PCDH15: variants seen among roughly 807,000 people sequenced by gnomAD.
PCDH15 encodes the protein protocadherin-15.
A neutral mutation model predicts 178.5 loss-of-function variants in PCDH15; 129 were observed. That is an observed-to-expected ratio of 0.72 (90% CI 0.63 to 0.84). PCDH15 has a LOEUF of 0.84. Among genes scored for constraint, PCDH15 ranks in the 40% least tolerant of loss-of-function variants. The probability of loss-of-function intolerance (pLI) is 0.00; values close to 1 mark genes in which losing one functional copy is unlikely to be tolerated. For synonymous variants in PCDH15, 800 were observed against 732.0 expected (o/e 1.09, Z -1.50); for missense variants, 2,230 against 2,099.9 (o/e 1.06, Z -1.21).
chr10:54,388,680 C>T (rs1950197356), intron 3 of PCDH15, among the ~76,000 whole-genome samples: 1 of 152,150 alleles, frequency 6.6e-6, no homozygotes, highest in African/African-American at 2.4e-5. Flanking sequence ...GAGCTCTTTG[C>T]TATGATCCTT....
intron 8 of PCDH15, among the ~76,000 whole-genome samples, chr10:54,288,209 A>G (rs1386166011): frequency 6.6e-6 from 1 of 152,016 alleles, no homozygotes; most frequent in Non-Finnish European, 1.5e-5. Flanking sequence ...AGTCTCAGCT[A>G]CTTGGGAGGC....
intron 2 of PCDH15, among the ~76,000 whole-genome samples, chr10:54,612,661 C>T (rs748257552): frequency 4.6e-5 from 7 of 151,376 alleles, no homozygotes; most frequent in Admixed American, 1.3e-4. Context: ...AATTTTGCCT[C>T]GACTTACTTA....
chr10:54,766,876 G>A (rs1470906083), intron 1 of PCDH15, among the ~76,000 whole-genome samples: 1 of 151,898 alleles, frequency 6.6e-6, no homozygotes, highest in Non-Finnish European at 1.5e-5. Context: ...CTTGCAGTGA[G>A]CCGAGATAGC....
intron 2 of PCDH15, among the ~76,000 whole-genome samples, chr10:54,532,655 A>C (rs1462865356): frequency 6.6e-6 from 1 of 152,150 alleles, no homozygotes; most frequent in Non-Finnish European, 1.5e-5. Flanking sequence ...CACTCTGTAC[A>C]TTAATTCCCT....
intron 18 of PCDH15, among the ~76,000 whole-genome samples, chr10:54,045,353 T>C (rs2093634108): frequency 6.6e-6 from 1 of 152,104 alleles, no homozygotes; most frequent in Non-Finnish European, 1.5e-5. Context: ...ATTAAACCAA[T>C]ATTTATGGTT....
chr10:54,619,887 T>C (rs577100541), intron 2 of PCDH15, among the ~76,000 whole-genome samples: 1 of 151,960 alleles, frequency 6.6e-6, no homozygotes, highest in South Asian at 2.1e-4. Flanking sequence ...AAGACAGGGG[T>C]TGGCAAATTA....
intron 3 of PCDH15, among the ~76,000 whole-genome samples, chr10:54,456,698 T>C (rs11004316): frequency 0.047 from 7,125 of 152,120 alleles, 360 homozygotes; most frequent in African/African-American, 0.12. Flanking sequence ...TGATATGGTT[T>C]GGCTGTGTCC....
intron 2 of PCDH15, among the ~76,000 whole-genome samples, chr10:55,372,420 C>A (rs890843609): frequency 6.6e-6 from 1 of 152,058 alleles, no homozygotes; most frequent in Non-Finnish European, 1.5e-5. Context: ...TATACAAAAA[C>A]TACTTTATAA....
Position 53,913,743 on chromosome 10 carries a change from C to CA in PCDH15, c.3374-10374dup, listed in dbSNP as rs547274977. ...TGGATGACAGAGCGAGACTCTGTCT[C>CA]AAAAAAAAACCAAAAAACAAAAAAC... is the stretch of plus-strand genomic sequence containing the variant. On this transcript the variant is annotated intron_variant, in intron 25 of 37. Transcript: ENST00000644397. Among the ~76,000 whole-genome samples, 1,055 of 131,338 alleles carry CA rather than the reference C, an allele frequency of 8.0e-3. 9 individuals carry two copies. Among genetic ancestry groups the CA allele is most frequent in the African/African-American group, 0.021 (724 of 35,040 alleles). 86.2% of individuals were successfully genotyped at this position (131,338 alleles called of 152,430 possible).
chr10:54,740,797 T>A (rs967525777), intron 1 of PCDH15, among the ~76,000 whole-genome samples: 9 of 151,996 alleles, frequency 5.9e-5, no homozygotes, highest in Non-Finnish European at 1.3e-4. Flanking sequence ...ATGTTCTCAC[T>A]AATATGCGGG....
chr10:55,559,979 G>A (rs552609646), intron 2 of PCDH15, among the ~76,000 whole-genome samples: 4 of 151,908 alleles, frequency 2.6e-5, no homozygotes, highest in Non-Finnish European at 2.9e-5. Context: ...GTGATTATAC[G>A]CCTAGACTCA....
rs145069430 is a variant in PCDH15 at position 54,675,767 on chromosome 10, C to T, written c.-28-11477G>A. On this transcript the variant is annotated intron_variant, in intron 1 of 37. Transcript: ENST00000644397. ...GGCAATATTTGTGTTTCACTTTATGCCCCTGAGAAGAGGAATCATTATTAG... is the reference window on the plus strand; with the variant it reads ...GGCAATATTTGTGTTTCACTTTATGTCCCTGAGAAGAGGAATCATTATTAG... 3.4e-3 allele frequency among the ~76,000 whole-genome samples: 519 copies of T among 152,204 alleles called. 4 individuals are homozygous for T. Among genetic ancestry groups the T allele is most frequent in the Middle Eastern group, 0.01 (3 of 294 alleles).
chr10:54,103,426 T>C (rs975709050), intron 15 of PCDH15, among the ~76,000 whole-genome samples: 1 of 152,174 alleles, frequency 6.6e-6, no homozygotes, highest in African/African-American at 2.4e-5. Flanking sequence ...TTACTCCTAT[T>C]GTATTTAAAT....
chr10:54,719,789 G>C (rs996717801), intron 1 of PCDH15, among the ~76,000 whole-genome samples: 1 of 151,830 alleles, frequency 6.6e-6, no homozygotes, highest in African/African-American at 2.4e-5. Flanking sequence ...TTGGTTTTTT[G>C]TTCCTTTGTT....
chr10:55,237,664 A>G (rs1437468245), intron 1 of PCDH15, among the ~76,000 whole-genome samples: 2 of 152,160 alleles, frequency 1.3e-5, no homozygotes, highest in African/African-American at 2.4e-5. Flanking sequence ...AACAGGAACT[A>G]TTATTATTGC....
intron 2 of PCDH15, among the ~76,000 whole-genome samples, chr10:55,472,120 A>G: frequency 6.6e-6 from 1 of 152,144 alleles, no homozygotes; most frequent in East Asian, 1.9e-4. Flanking sequence ...GTTTGTCTCC[A>G]TTCTCTTACT....
intron 1 of PCDH15, among the ~76,000 whole-genome samples, chr10:54,711,005 G>A (rs146080857): frequency 1.2e-3 from 178 of 152,060 alleles, no homozygotes; most frequent in African/African-American, 4.2e-3. Flanking sequence ...GTATATAAGG[G>A]ACTACAATTT....
chr10:54,956,528 A>C (rs1838492061), intron 2 of PCDH15, among the ~76,000 whole-genome samples: 1 of 151,554 alleles, frequency 6.6e-6, no homozygotes, highest in Admixed American at 6.6e-5. Context: ...CTAAAGATTA[A>C]AAAAGAGTTC....
intron 1 of PCDH15, among the ~76,000 whole-genome samples, chr10:55,218,856 G>T (rs539986249): frequency 6.6e-6 from 1 of 151,938 alleles, no homozygotes; most frequent in Non-Finnish European, 1.5e-5. Flanking sequence ...TCTACACTCC[G>T]GTTCTTCAAT....
Sources: allele counts gnomAD v4.1 joint callset (sites outside exome capture counted in the v4.1 genomes callset), GRCh38; gene constraint gnomAD v4.1.1; transcripts MANE v1.5; gene names NCBI Gene and HGNC (gene_info 2026-07-23, HGNC 2026-07-21).